The following NBAS variants were observed in gnomAD, a reference collection of about 807,000 sequenced individuals.
The protein encoded by NBAS is NBAS subunit of NRZ tethering complex.
Under a neutral mutation model 302.5 loss-of-function variants are expected in NBAS, and 219 were observed. The ratio of observed to expected loss-of-function variants is 0.72; its 90% CI spans 0.65 to 0.81. The LOEUF is 0.81. NBAS is among the 30% of genes least tolerant of loss of function. NBAS has a pLI of 0.00. For synonymous variants in NBAS, 1,118 were observed against 1,021.6 expected, an observed-to-expected ratio of 1.09 and a Z score of -1.80; for missense variants, 2,932 against 2,841.6, an observed-to-expected ratio of 1.03 and a Z score of -0.72.
intron 13 of NBAS, among the ~76,000 whole-genome samples, chr2:15,476,388 A>G (rs930866776): frequency 1.7e-4 from 26 of 150,860 alleles, no homozygotes; most frequent in Non-Finnish European, 3.7e-4. Flanking sequence ...TCAGAGAGGG[A>G]AAAAAAAAAT....
At chr2:14,843,559 C>A in the NBAS span, among the ~76,000 whole-genome samples, 1 of 136,038 alleles carries the variant, frequency 7.4e-6, no homozygotes, top group Non-Finnish European at 1.5e-5. Flanking sequence ...CAGACACAGA[C>A]ACACACACAC....
the NBAS span, among the ~76,000 whole-genome samples, chr2:15,123,140 T>C: frequency 0.14 from 20,726 of 152,180 alleles, 2,678 homozygotes; most frequent in African/African-American, 0.33. Flanking sequence ...GCTCCCAGCA[T>C]GCTGAGTCAT....
chr2:15,555,143 C>A (rs1001372563), intron 3 of NBAS, among the ~76,000 whole-genome samples: 1 of 151,720 alleles, frequency 6.6e-6, no homozygotes, highest in Non-Finnish European at 1.5e-5. Context: ...CGCAGCTACA[C>A]GGGAGGCTAA....
At chr2:15,059,962 A>ACAC in the NBAS span, among the ~76,000 whole-genome samples, 1 of 139,442 alleles carries the variant, frequency 7.2e-6, no homozygotes, top group Admixed American at 7.0e-5. Context: ...AAAAAAAAAA[A>ACAC]ACAAAAAAAA....
chr2:15,395,152 G>A (rs1170574267), intron 27 of NBAS, among the ~76,000 whole-genome samples: 2 of 152,098 alleles, frequency 1.3e-5, no homozygotes, highest in Non-Finnish European at 2.9e-5. Flanking sequence ...GAAACCTGTA[G>A]GGTGTTAAGT....
intron 44 of NBAS, among the ~76,000 whole-genome samples, chr2:15,241,734 C>A (rs528780111): frequency 1.3e-5 from 2 of 152,304 alleles, no homozygotes; most frequent in South Asian, 2.1e-4. Context: ...ATGTGCCATC[C>A]TCTCCCGTTG....
chr2:15,403,944 T>A (rs1676284156), intron 25 of NBAS, among the ~76,000 whole-genome samples: 1 of 150,834 alleles, frequency 6.6e-6, no homozygotes, highest in African/African-American at 2.4e-5. Context: ...TCTCACTATG[T>A]TGCTCAGGCT....
At chr2:15,346,176 A>G (rs919759142) in intron 35 of NBAS, among the ~76,000 whole-genome samples, 2 of 152,200 alleles carry the variant, frequency 1.3e-5, no homozygotes, top group Non-Finnish European at 2.9e-5. Flanking sequence ...TAAACTAAAG[A>G]GCTTCTGCAC....
At chr2:15,237,919 C>A (rs554138449) in intron 45 of NBAS, among the ~76,000 whole-genome samples, 3 of 152,070 alleles carry the variant, frequency 2.0e-5, no homozygotes, top group East Asian at 3.9e-4. Context: ...GGACTACAGG[C>A]GCCCGCCATT....
chr2:15,331,562 G>T (rs1672351128), intron 35 of NBAS, among the ~76,000 whole-genome samples: 1 of 152,080 alleles, frequency 6.6e-6, no homozygotes, highest in African/African-American at 2.4e-5. Context: ...AATACCAATA[G>T]CTTGTTGTGA....
intron 49 of NBAS, among the ~76,000 whole-genome samples, chr2:15,187,602 A>T (rs984447619): frequency 4.6e-5 from 7 of 152,134 alleles, no homozygotes; most frequent in African/African-American, 1.7e-4. Context: ...CTTGACTGAC[A>T]CTACCCTGTG....
At position 15,474,293 on chromosome 2, in the gene NBAS, C is replaced by A. The variant is rs772522954; in HGVS notation, c.1373G>T (p.Arg458Leu). The stretch of plus-strand genomic sequence containing the variant: ...TTCTTCTCCAGCTCTAGTCTCCAAA[C>A]GAGATCGTTTGGGGGCAAGTTTAAT... ...CEIKLAPKRS[R>L]LETRAGEEDE... Residue 458 changes from arginine (R) to leucine (L), a missense_variant, in exon 15 of 52, where the codon CGT (arginine) becomes CTT (leucine). Physicochemically the swap from Arg to Leu is moderately radical, Grantham distance 102. Coordinates refer to ENST00000281513, the MANE Select transcript of NBAS (RefSeq NM_015909.4). 2 of 1,613,656 alleles carry A rather than the reference C, an allele frequency of 1.2e-6. No homozygotes were observed. Among genetic ancestry groups the A allele is most frequent in the Non-Finnish European group, 1.7e-6 (2 of 1,179,820 alleles).
At position 15,482,753 on chromosome 2, in the gene NBAS, G is replaced by C. The variant is rs146181279; in HGVS notation, c.1084-4464C>G. ...TAACTATAGTGCCTGGTCAAGAAGA[G>C]AAGGTAAAAATTTATCTTTACATCT... On this transcript the variant is annotated intron_variant, in intron 12 of 51. Coordinates refer to ENST00000281513, the MANE Select transcript of NBAS (RefSeq NM_015909.4). 2.3e-4 allele frequency among the ~76,000 whole-genome samples: 35 copies of C among 151,912 alleles called. No homozygotes were observed. In the East Asian group the frequency reaches 5.2e-3, roughly 23 times the overall value.
chr2:15,514,956 T>A (rs1662317915), intron 9 of NBAS, among the ~76,000 whole-genome samples: 1 of 152,106 alleles, frequency 6.6e-6, no homozygotes, highest in East Asian at 1.9e-4. Context: ...GACTGAAGAA[T>A]AAGGGGAAAA....
At chr2:15,140,005 G>A in the NBAS span, among the ~76,000 whole-genome samples, 1 of 151,096 alleles carries the variant, frequency 6.6e-6, no homozygotes, top group Admixed American at 6.6e-5. Context: ...GTGACGTGGT[G>A]GATGTAATGC....
intron 42 of NBAS, among the ~76,000 whole-genome samples, chr2:15,279,607 C>T (rs894402862): frequency 6.6e-6 from 1 of 152,178 alleles, no homozygotes. Flanking sequence ...TATAGTCTCT[C>T]TCAATCAACA....
chr2:15,415,466 A>T, intron 25 of NBAS, 80 bp downstream of exon 25: 1 of 1,262,762 alleles, frequency 7.9e-7, no homozygotes, highest in Non-Finnish European at 1.2e-6. Context: ...TGCAAAGCCT[A>T]CCATAAAAAT....
chr2:14,815,373 A>T, the NBAS span, among the ~76,000 whole-genome samples: 1 of 152,190 alleles, frequency 6.6e-6, no homozygotes, highest in Non-Finnish European at 1.5e-5. Flanking sequence ...TCAGAGTGAG[A>T]GCCAAAAATG....
At chr2:15,501,194 A>G (rs1011935028) in intron 11 of NBAS, among the ~76,000 whole-genome samples, 2 of 151,828 alleles carry the variant, frequency 1.3e-5, no homozygotes, top group African/African-American at 4.8e-5. Context: ...CCAGCTACTC[A>G]GGAGGCTGAG....
Sources: gnomAD v4.1 joint callset for allele counts (sites outside exome capture counted in the v4.1 genomes callset) on GRCh38, gnomAD v4.1.1 for gene constraint, MANE v1.5 for transcripts, NCBI Gene and HGNC (gene_info 2026-07-23, HGNC 2026-07-21) for gene names.